VPS35L: variants seen among roughly 807,000 people sequenced by gnomAD.
The protein encoded by VPS35L is VPS35 endosomal protein-sorting factor-like.
Under a neutral mutation model 133.0 loss-of-function variants are expected in VPS35L, and 83 were observed. The observed-to-expected ratio is 0.62, with a 90% confidence interval of 0.52 to 0.75. VPS35L has a LOEUF of 0.75. Ranked by LOEUF, VPS35L falls within the 30% of genes least tolerant of loss-of-function variation. The pLI is 0.00. For synonymous variants in VPS35L, 423 were observed against 449.9 expected, an observed-to-expected ratio of 0.94 and a Z score of 0.76; for missense variants, 1,083 against 1,206.8, an observed-to-expected ratio of 0.90 and a Z score of 1.52.
At chr16:19,591,321 T>C (rs1444785505) in intron 7 of VPS35L, among the ~76,000 whole-genome samples, 1 of 152,208 alleles carries the variant, frequency 6.6e-6, no homozygotes, top group East Asian at 1.9e-4. Flanking sequence ...AGAGATGTCA[T>C]TCACTTCTCT....
At chr16:19,605,975 G>A (rs1293344289) in intron 9 of VPS35L, among the ~76,000 whole-genome samples, 1 of 152,172 alleles carries the variant, frequency 6.6e-6, no homozygotes, top group African/African-American at 2.4e-5. Flanking sequence ...AGCACATGAA[G>A]TAAAGGAATA....
chr16:19,674,030 T>A (rs1030812788), intron 27 of VPS35L, among the ~76,000 whole-genome samples: 22 of 152,124 alleles, frequency 1.4e-4, no homozygotes, highest in Admixed American at 7.9e-4. Context: ...TCACAGATGC[T>A]ACAGGATGTT....
rs3815036 is a variant in VPS35L, at chr16:19,682,407, C to G, written c.2527+17C>G. The G allele has an allele frequency of 6.2e-7, 1 of 1,610,442 alleles. No individual in the cohort carries two copies. The highest frequency in any genetic ancestry group is 8.5e-7 in the Non-Finnish European group (1 of 1,177,468). ...TAGACAAAGGTAGCAGAGCCTCCCC[C>G]ACCAAACCATGCTCCGCATGGATTT... On this transcript the variant is annotated intron_variant, in intron 28 of 30. Coordinates refer to ENST00000417362, the MANE Select transcript of VPS35L (RefSeq NM_020314.7).
Position 19,623,726 on chromosome 16 carries a change from AT to A in VPS35L, c.1225-2450del, listed in dbSNP as rs1730560496. Reference sequence around the variant, plus strand: ...ACTTTGGGTCCAGACGTAGATATAGATCCCTTTTTTTTCTTTATTTTTTACT... The same window carrying A: ...ACTTTGGGTCCAGACGTAGATATAGACCCTTTTTTTTCTTTATTTTTTACT... On this transcript the variant is annotated intron_variant, in intron 14 of 30. Transcript: ENST00000417362. Among the ~76,000 whole-genome samples the A allele has an allele frequency of 2.7e-5, 4 of 147,884 alleles. No individual in the cohort carries two copies. The South Asian group carries it at 8.5e-4, about 31-fold the overall frequency.
chr16:19,691,313 G>T, intron 28 of VPS35L, 40 bp from the exon 29 acceptor site: 1 of 1,542,682 alleles, frequency 6.5e-7, no homozygotes, highest in Non-Finnish European at 9.0e-7. Flanking sequence ...GCATGGCCGC[G>T]GGGCTTGGGT....
chr16:19,560,964 C>T (rs1283398603), intron 1 of VPS35L, among the ~76,000 whole-genome samples: 4 of 151,588 alleles, frequency 2.6e-5, no homozygotes, highest in Non-Finnish European at 5.9e-5. Flanking sequence ...AGGAATATTT[C>T]ATAGGTGATT....
chr16:19,646,263 T>C (rs1406866275), intron 23 of VPS35L, among the ~76,000 whole-genome samples: 2 of 152,166 alleles, frequency 1.3e-5, no homozygotes, highest in Non-Finnish European at 2.9e-5. Context: ...ATGTCCTCTC[T>C]TTCTCACCAC....
intron 7 of VPS35L, among the ~76,000 whole-genome samples, chr16:19,586,337 ATT>A (rs1971864011): frequency 6.6e-6 from 1 of 151,640 alleles, no homozygotes; most frequent in South Asian, 2.1e-4. Context: ...GTGTATATTT[ATT>A]TATTTATTTA....
At chr16:19,691,728 C>T (rs914189519) in intron 29 of VPS35L, among the ~76,000 whole-genome samples, 1 of 152,136 alleles carries the variant, frequency 6.6e-6, no homozygotes, top group Non-Finnish European at 1.5e-5. Context: ...CAGGCCTTCC[C>T]GGACCCTGTC....
intron 3 of VPS35L, among the ~76,000 whole-genome samples, chr16:19,570,511 G>A (rs1475655194): frequency 2.6e-5 from 4 of 152,024 alleles, no homozygotes; most frequent in African/African-American, 9.7e-5. Context: ...CACCCTGGCG[G>A]TTGTGAGAAT....
intron 16 of VPS35L, among the ~76,000 whole-genome samples, chr16:19,628,246 C>T (rs1297202492): frequency 6.6e-6 from 1 of 152,064 alleles, no homozygotes; most frequent in African/African-American, 2.4e-5. Flanking sequence ...TTCCTGTAGT[C>T]CCAGCTACTT....
rs551407384 is a variant in VPS35L at position 19,624,933 on chromosome 16, T to G, written c.1225-1244T>G. Among the ~76,000 whole-genome samples the G allele has an allele frequency of 3.3e-5, 5 of 152,282 alleles. No homozygotes were observed. In the South Asian group the frequency reaches 8.3e-4, roughly 25 times the overall value. On this transcript the variant is annotated intron_variant, in intron 14 of 30. Coordinates refer to ENST00000417362, the MANE Select transcript of VPS35L (RefSeq NM_020314.7). The stretch of plus-strand genomic sequence containing the variant: ...CAGTGCTCAGTGTCCTGTAATTACC[T>G]CTGGTCTTGGGCTTGACCTTCCCCA...
chr16:19,576,780 C>T (rs538309438), intron 5 of VPS35L, among the ~76,000 whole-genome samples: 2 of 151,592 alleles, frequency 1.3e-5, no homozygotes, highest in South Asian at 4.2e-4. Flanking sequence ...ACCCATGGTG[C>T]AGTGCAACCT....
chr16:19,684,274 G>A (rs1975383358), intron 28 of VPS35L, among the ~76,000 whole-genome samples: 4 of 152,142 alleles, frequency 2.6e-5, no homozygotes, highest in Admixed American at 2.6e-4. Context: ...CCTCCTGCCT[G>A]GCGGACCCTC....
intron 12 of VPS35L, among the ~76,000 whole-genome samples, chr16:19,612,400 C>T (rs1972753850): frequency 6.6e-6 from 1 of 152,010 alleles, no homozygotes. Context: ...ATTACAGGCA[C>T]CTGCCACCAT....
chr16:19,573,170 G>T lies in VPS35L; in HGVS notation c.337G>T (p.Asp113Tyr). The part of the protein sequence containing the change: ...DRDDNSVVGS[D>Y]FEPWTNKRGE... ...AGATGATAACTCCGTTGTAGGATCG[G>T]ATTTTGAGCCTTGGACCAACAAACG... The change falls in exon 4 of 31, where the codon GAT becomes TAT. Residue 113 changes from aspartate (D) to tyrosine (Y), a missense_variant. Physicochemically the swap from Asp to Tyr is radical, Grantham distance 160. Transcript: ENST00000417362. 6.2e-7 allele frequency: 1 copy of T among 1,613,988 alleles called. No homozygotes were observed. The highest frequency in any genetic ancestry group is 8.5e-7 in the Non-Finnish European group (1 of 1,179,908).
Position 19,644,959 on chromosome 16 carries a change from A to C in VPS35L, c.1929+10A>C, listed in dbSNP as rs774206666. On this transcript the variant is annotated intron_variant, in intron 23 of 30. Transcript: ENST00000417362. Reference sequence around the variant, plus strand: ...TGGATTTATAAAAATGGTAAGTATTAGGGAAGAAGTTTCAGTGCACTTGGA... The same window carrying C: ...TGGATTTATAAAAATGGTAAGTATTCGGGAAGAAGTTTCAGTGCACTTGGA... 1 of 1,569,888 alleles carries C rather than the reference A, an allele frequency of 6.4e-7. No individual in the cohort carries two copies. The highest frequency in any genetic ancestry group is 8.8e-7 in the Non-Finnish European group (1 of 1,142,680).
At position 19,639,621 on chromosome 16, in the gene VPS35L, C is replaced by T. The variant is rs1028044467; in HGVS notation, c.1699-394C>T. ...CGGTTCACTGCAACTTCCGCCTTCC[C>T]GAGTTCAAGCAGTTCTCCTGCCTCA... On this transcript the variant is annotated intron_variant, in intron 20 of 30. Transcript: ENST00000417362. This position sits in a 1 kb window ranked among gnomAD's most constrained non-coding sequence, Gnocchi z 4.1. Among the ~76,000 whole-genome samples the T allele has an allele frequency of 3.9e-5, 6 of 152,280 alleles. No individual in the cohort carries two copies. Among genetic ancestry groups the T allele is most frequent in the Non-Finnish European group, 8.8e-5 (6 of 68,018 alleles).
intron 26 of VPS35L, among the ~76,000 whole-genome samples, chr16:19,656,367 T>C (rs774027586): frequency 5.6e-5 from 8 of 141,974 alleles, no homozygotes; most frequent in East Asian, 1.9e-4. Flanking sequence ...TATGAGAACA[T>C]GGGAAGGGAA....
Sources: allele counts gnomAD v4.1 joint callset (sites outside exome capture counted in the v4.1 genomes callset), GRCh38; gene constraint gnomAD v4.1.1; non-coding constraint Gnocchi (gnomAD v3.1); transcripts MANE v1.5; gene names NCBI Gene and HGNC (gene_info 2026-07-23, HGNC 2026-07-21).